Variants in DIAPH2 observed in about 807,000 individuals in gnomAD.
DIAPH2 encodes diaphanous related formin 2.
Under a neutral mutation model 92.7 loss-of-function variants are expected in DIAPH2, and 35 were observed. That is an observed-to-expected ratio of 0.38 (90% CI 0.29 to 0.50). The LOEUF is 0.50. Among genes scored for constraint, DIAPH2 ranks in the 20% least tolerant of loss-of-function variants. DIAPH2 has a pLI of 0.94. For missense variants in DIAPH2, 701 were observed against 819.5 expected, an observed-to-expected ratio of 0.86 and a Z score of 1.77; for synonymous variants, 301 against 280.4, an observed-to-expected ratio of 1.07 and a Z score of -0.73.
At chrX:97,203,692 C>A (rs2067772168) in intron 22 of DIAPH2, among the ~76,000 whole-genome samples, 1 of 111,615 alleles carries the variant, frequency 9.0e-6, no homozygotes, top group Admixed American at 9.5e-5. Context: ...AGCATACCAA[C>A]CAAAAAAGCC....
At chrX:96,973,007 G>C (rs1323849835) in intron 17 of DIAPH2, among the ~76,000 whole-genome samples, 1 of 110,709 alleles carries the variant, frequency 9.0e-6, no homozygotes, top group Non-Finnish European at 1.9e-5. Context: ...TATCTCATTT[G>C]GGCGTGGTGT....
chrX:96,949,328 G>C (rs1220991801), intron 15 of DIAPH2, among the ~76,000 whole-genome samples: 2 of 110,661 alleles, frequency 1.8e-5, no homozygotes, highest in Middle Eastern at 4.2e-3. Flanking sequence ...TTGAAAAATT[G>C]GGTACATGCT....
chrX:96,807,732 T>TA (rs1465659646), intron 4 of DIAPH2, among the ~76,000 whole-genome samples: 3 of 107,716 alleles, frequency 2.8e-5, no homozygotes, highest in Non-Finnish European at 1.9e-5. Flanking sequence ...AAAAAAGTCC[T>TA]AAACAGAGGT....
intron 4 of DIAPH2, among the ~76,000 whole-genome samples, chrX:96,853,113 A>T (rs928602280): frequency 1.8e-5 from 2 of 111,807 alleles, no homozygotes; most frequent in Non-Finnish European, 3.8e-5. Context: ...GTGTATTTCC[A>T]TTATACCATT....
Position 97,006,654 on chromosome X carries a change from G to A in DIAPH2, c.2050+41447G>A, listed in dbSNP as rs374651741. 3.0e-4 allele frequency among the ~76,000 whole-genome samples: 33 copies of A among 111,769 alleles called. 1 individual carries two copies. The highest frequency in any genetic ancestry group is 3.8e-4 in the Non-Finnish European group (20 of 53,121). On this transcript the variant is annotated intron_variant, in intron 17 of 26. Coordinates refer to ENST00000324765, the MANE Select transcript of DIAPH2 (RefSeq NM_006729.5). ...CTATGTGTGTCTTTATAGGTGAAGCGTGTTTCTTGAAAGCAACAATGCATT... is the reference window on the plus strand; with the variant it reads ...CTATGTGTGTCTTTATAGGTGAAGCATGTTTCTTGAAAGCAACAATGCATT...
At chrX:97,067,864 A>C (rs1417929447) in intron 17 of DIAPH2, among the ~76,000 whole-genome samples, 1 of 111,341 alleles carries the variant, frequency 9.0e-6, no homozygotes, top group African/African-American at 3.3e-5. Flanking sequence ...CCCTGGGCAC[A>C]TGGGCTGTTT....
intron 23 of DIAPH2, among the ~76,000 whole-genome samples, chrX:97,261,003 C>A (rs761358882): frequency 4.8e-4 from 54 of 112,598 alleles, no homozygotes; most frequent in African/African-American, 1.7e-3. Flanking sequence ...ATGCGTTAGT[C>A]TTTTAGAAGA....
At chrX:96,992,655 C>T (rs1477969950) in intron 17 of DIAPH2, among the ~76,000 whole-genome samples, 2 of 112,065 alleles carry the variant, frequency 1.8e-5, no homozygotes, top group East Asian at 5.6e-4. Flanking sequence ...GGTATTATTC[C>T]GATGTTTGTG....
At chrX:96,769,784 C>T (rs1260709818) in intron 4 of DIAPH2, among the ~76,000 whole-genome samples, 1 of 112,200 alleles carries the variant, frequency 8.9e-6, no homozygotes, top group Non-Finnish European at 1.9e-5. Context: ...GAATCATGAG[C>T]ACTAACTGAA....
chrX:97,105,432 T>G (rs957139526), intron 20 of DIAPH2, among the ~76,000 whole-genome samples: 2 of 111,972 alleles, frequency 1.8e-5, no homozygotes, highest in Non-Finnish European at 3.8e-5. Context: ...GGGGGTAGAT[T>G]GGCTGCATAG....
At chrX:96,882,966 A>AAC (rs1157443303) in intron 5 of DIAPH2, among the ~76,000 whole-genome samples, 18 of 75,611 alleles carry the variant, frequency 2.4e-4, no homozygotes, top group African/African-American at 7.1e-4. Context: ...CTCCAAAAAA[A>AAC]AAAAAAAAAA....
chrX:97,190,309 T>C (rs1436832218), intron 22 of DIAPH2, among the ~76,000 whole-genome samples: 2 of 112,785 alleles, frequency 1.8e-5, no homozygotes, highest in Non-Finnish European at 3.7e-5. Context: ...GATTCTAGGA[T>C]ATTACGCCAG....
chrX:97,011,891 C>CA (rs1169242843), intron 17 of DIAPH2, among the ~76,000 whole-genome samples: 1,181 of 32,163 alleles, frequency 0.037, 120 homozygotes, highest in Middle Eastern at 0.14. Flanking sequence ...GACACTGTCT[C>CA]AAAAAAAAAA....
rs1349956095 is a variant in DIAPH2 at position 97,007,908 on chromosome X, G to A, written c.2050+42701G>A. On this transcript the variant is annotated intron_variant, in intron 17 of 26. Coordinates refer to ENST00000324765, the MANE Select transcript of DIAPH2 (RefSeq NM_006729.5). ...CTCCTGAGTAGCTGGGACTACAGGC[G>A]CCTGCCACCACGCCCGGCTAATTTT... Among the ~76,000 whole-genome samples, 6 of 104,036 alleles carry A rather than the reference G, an allele frequency of 5.8e-5. No homozygotes were observed. In the East Asian group the frequency reaches 1.2e-3, roughly 21 times the overall value. The allele number at this position is 104,036 out of a possible 115,157, so 90.3% of individuals were successfully genotyped here. A position where few individuals can be genotyped will look rare whatever the true frequency, so the allele number is the denominator to read the frequency against.
chrX:97,111,085 C>T (rs1283660204), intron 20 of DIAPH2, among the ~76,000 whole-genome samples: 1 of 112,240 alleles, frequency 8.9e-6, no homozygotes, highest in Non-Finnish European at 1.9e-5. Context: ...AGCAGCCAAG[C>T]AATACTTTTC....
intron 25 of DIAPH2, among the ~76,000 whole-genome samples, chrX:97,402,885 T>C (rs1395799308): frequency 1.1e-5 from 1 of 89,276 alleles, no homozygotes; most frequent in Non-Finnish European, 2.3e-5. Flanking sequence ...TCAGATGTTA[T>C]AAGAAACTTG....
At position 97,600,271 on chromosome X, in the gene DIAPH2, C is replaced by A. The variant is rs1401543660; in HGVS notation, c.*954C>A. On this transcript the variant is annotated 3_prime_UTR_variant, in exon 27 of 27. Coordinates refer to ENST00000324765, the MANE Select transcript of DIAPH2 (RefSeq NM_006729.5). ...GAGTCCCTTGAAGGCAGGGAATAGA[C>A]TTCTAGAAAACCTGAGAGGAAAAAG... The A allele has an allele frequency of 3.6e-5, 4 of 111,861 alleles. No homozygotes were observed. Among genetic ancestry groups the A allele is most frequent in the African/African-American group, 1.3e-4 (4 of 30,830 alleles). The allele number at this position is 111,861 out of a possible 1,213,427, so 9.2% of individuals were successfully genotyped here.
At chrX:97,194,488 G>A (rs1780055069) in intron 22 of DIAPH2, among the ~76,000 whole-genome samples, 1 of 109,724 alleles carries the variant, frequency 9.1e-6, no homozygotes, top group African/African-American at 3.3e-5. Context: ...GTTTCACTGT[G>A]TTAGCCAGGA....
chrX:97,448,514 A>G (rs1026460473), intron 26 of DIAPH2, among the ~76,000 whole-genome samples: 2 of 112,186 alleles, frequency 1.8e-5, no homozygotes, highest in African/African-American at 3.2e-5. Context: ...AAGAATATAA[A>G]TGAATAATTA....
Sources: gnomAD v4.1 joint callset for allele counts (sites outside exome capture counted in the v4.1 genomes callset) on GRCh38, gnomAD v4.1.1 for gene constraint, MANE v1.5 for transcripts, NCBI Gene and HGNC (gene_info 2026-07-23, HGNC 2026-07-21) for gene names.